Variants in PRKCB observed in about 807,000 individuals in gnomAD.
The protein encoded by PRKCB is protein kinase C beta type.
A neutral mutation model predicts 81.5 loss-of-function variants in PRKCB; 13 were observed. That is an observed-to-expected ratio of 0.16 (90% CI 0.10 to 0.25). The LOEUF is 0.25. PRKCB is among the 10% of genes least tolerant of loss of function. The probability of loss-of-function intolerance (pLI) is 1.00; values close to 1 mark genes in which losing one functional copy is unlikely to be tolerated. For synonymous variants in PRKCB, 335 were observed against 321.4 expected (o/e 1.04, Z -0.45); for missense variants, 509 against 875.7 (o/e 0.58, Z 5.29).
chr16:24,112,336 C>A (rs1292300330), intron 7 of PRKCB, among the ~76,000 whole-genome samples: 1 of 152,130 alleles, frequency 6.6e-6, no homozygotes, highest in Admixed American at 6.5e-5. Context: ...CAAGACTAGT[C>A]TGAGAAACAT....
intron 2 of PRKCB, among the ~76,000 whole-genome samples, chr16:23,874,085 C>T (rs1464233522): frequency 6.6e-6 from 1 of 152,164 alleles, no homozygotes; most frequent in Non-Finnish European, 1.5e-5. Context: ...CACCTACACC[C>T]ACGTACACAT....
Position 24,061,906 on chromosome 16 carries a change from T to TAAAAA in PRKCB, c.529+26362_529+26363insAAAAA, listed in dbSNP as rs766717237. ...TCCCCCACTCCCCCTGCACCTTAAA[T>TAAAAA]AAATAAAAAAAAAAAAAAAAAAAAA... On this transcript the variant is annotated intron_variant, in intron 5 of 16. Transcript: ENST00000643927. Among the ~76,000 whole-genome samples the TAAAAA allele has an allele frequency of 2.6e-4, 12 of 46,084 alleles. 1 individual carries two copies. The East Asian group carries it at 2.6e-3, about 10-fold the overall frequency. 30.2% of individuals were successfully genotyped at this position (46,084 alleles called of 152,430 possible).
intron 2 of PRKCB, among the ~76,000 whole-genome samples, chr16:23,865,354 G>A (rs999408812): frequency 2.2e-5 from 3 of 135,698 alleles, no homozygotes; most frequent in African/African-American, 8.5e-5. Context: ...TCAGACTGAG[G>A]TACAGTAGCA....
chr16:24,181,771 C>CAAAAAAAAAAA (rs71154286), intron 13 of PRKCB, among the ~76,000 whole-genome samples: 974 of 24,422 alleles, frequency 0.04, 182 homozygotes, highest in Admixed American at 0.06. Flanking sequence ...GACCCTGTCT[C>CAAAAAAAAAAA]AAAAAAAAAA....
intron 2 of PRKCB, among the ~76,000 whole-genome samples, chr16:23,882,025 C>CTTTCTTTCTTTCTCTTTCTTTCTTT (rs1597226197): frequency 3.3e-3 from 60 of 18,312 alleles, no homozygotes; most frequent in East Asian, 0.031. Flanking sequence ...TTTCTTTCTT[C>CTTTCTTTCTTTCTCTTTCTTTCTTT]CTTCCTTCCT....
chr16:24,073,647 G>A (rs1392069862), intron 5 of PRKCB, among the ~76,000 whole-genome samples: 1 of 152,128 alleles, frequency 6.6e-6, no homozygotes, highest in Non-Finnish European at 1.5e-5. Flanking sequence ...TTTTTTAAAT[G>A]TCTCAGTCTA....
chr16:23,885,568 A>G (rs548064614), intron 2 of PRKCB, among the ~76,000 whole-genome samples: 8 of 152,104 alleles, frequency 5.3e-5, no homozygotes, highest in Non-Finnish European at 8.8e-5. Context: ...TGGCCTCCCA[A>G]AGTGCTGGGA....
chr16:23,942,932 G>A (rs195994), intron 2 of PRKCB, among the ~76,000 whole-genome samples: 147,018 of 152,308 alleles, frequency 0.97, 70,991 homozygotes, highest in East Asian at 1. Flanking sequence ...AATTATTCAC[G>A]ATTATTGTCT....
intron 2 of PRKCB, among the ~76,000 whole-genome samples, chr16:23,922,693 C>T (rs189555858): frequency 6.6e-6 from 1 of 152,354 alleles, no homozygotes; most frequent in African/African-American, 2.4e-5. Flanking sequence ...GCTTTGACAA[C>T]ACATTTTCAA....
intron 10 of PRKCB, among the ~76,000 whole-genome samples, chr16:24,166,268 T>C (rs1967346276): frequency 6.6e-6 from 1 of 152,184 alleles, no homozygotes; most frequent in Non-Finnish European, 1.5e-5. Context: ...TAATTGTGTG[T>C]AAGTTTTTTT....
At chr16:23,933,929 AT>A (rs1964019708) in intron 2 of PRKCB, among the ~76,000 whole-genome samples, 1 of 952 alleles carries the variant, frequency 1.1e-3, no homozygotes, top group Non-Finnish European at 2.1e-3. Context: ...CCTTCCATTC[AT>A]CCATCCATCC....
chr16:23,866,967 TCCCTTCCTTCCCTTCCTTCCCTTCCTTC>T (rs1208903151), intron 2 of PRKCB, among the ~76,000 whole-genome samples: 1 of 88,944 alleles, frequency 1.1e-5, no homozygotes, highest in Non-Finnish European at 2.3e-5. Context: ...TTCCCTTCCT[TCCCTTCCTTCCCTTCCTTCCCTTCCTTC>T]CCTTCCTTCC....
intron 3 of PRKCB, among the ~76,000 whole-genome samples, chr16:24,030,716 C>CAA (rs59739745): frequency 0.32 from 41,632 of 131,046 alleles, 6,795 homozygotes; most frequent in South Asian, 0.41. Flanking sequence ...CCCCTCTCTA[C>CAA]AAAAAAAAAA....
chr16:23,984,574 A>G (rs529084776), intron 2 of PRKCB, among the ~76,000 whole-genome samples: 28 of 152,300 alleles, frequency 1.8e-4, no homozygotes, highest in Non-Finnish European at 3.1e-4. Flanking sequence ...CATGATAGAA[A>G]GATAAAAATA....
chr16:24,021,109 TTC>T (rs375322061), intron 3 of PRKCB, among the ~76,000 whole-genome samples: 8,771 of 121,772 alleles, frequency 0.072, 732 homozygotes, highest in African/African-American at 0.12. Flanking sequence ...CTTTCTTTCC[TTC>T]TCTCTCTTTC....
At position 24,218,409 on chromosome 16, in the gene PRKCB, G is replaced by T; in HGVS notation, c.*3593G>T. ...AAGACAAAAAGGGCAGGTGGGACATGGTAGAGATGGACCCTACCCAGGAAA... is the reference window on the plus strand; with the variant it reads ...AAGACAAAAAGGGCAGGTGGGACATTGTAGAGATGGACCCTACCCAGGAAA... On this transcript the variant is annotated 3_prime_UTR_variant, in exon 17 of 17. Transcript: ENST00000643927. 1 of 985,256 alleles carries T rather than the reference G, an allele frequency of 1.0e-6. No homozygotes were observed. The highest frequency in any genetic ancestry group is 1.2e-6 in the Non-Finnish European group (1 of 829,934). 61.0% of individuals were successfully genotyped at this position (985,256 alleles called of 1,614,324 possible). A position where few individuals can be genotyped will look rare whatever the true frequency, so the allele number is the denominator to read the frequency against.
At chr16:23,904,346 T>G (rs899507303) in intron 2 of PRKCB, among the ~76,000 whole-genome samples, 3 of 152,110 alleles carry the variant, frequency 2.0e-5, no homozygotes, top group African/African-American at 7.2e-5. Flanking sequence ...TTGAAAGAAT[T>G]AAATATGTCA....
chr16:24,053,240 A>T (rs761874126), intron 5 of PRKCB, among the ~76,000 whole-genome samples: 1 of 152,210 alleles, frequency 6.6e-6, no homozygotes, highest in Non-Finnish European at 1.5e-5. Context: ...GTCACTGGAG[A>T]TTTGTCAGAG....
intron 5 of PRKCB, among the ~76,000 whole-genome samples, chr16:24,074,535 T>C (rs199993339): frequency 6.6e-6 from 1 of 152,356 alleles, no homozygotes; most frequent in East Asian, 1.9e-4. Context: ...CCGTCAACTA[T>C]TATTATTTAA....
Sources: allele counts gnomAD v4.1 joint callset (sites outside exome capture counted in the v4.1 genomes callset), GRCh38; gene constraint gnomAD v4.1.1; transcripts MANE v1.5; gene names NCBI Gene and HGNC (gene_info 2026-07-23, HGNC 2026-07-21).